The following SERPINA11 variants were observed in gnomAD, a reference collection of about 807,000 sequenced individuals.
The protein encoded by SERPINA11 is serpin family A member 11, also known as serpin A11.
In SERPINA11, 28 loss-of-function variants were observed where a neutral mutation model predicts 29.4. The observed-to-expected ratio is 0.95, with a 90% CI of 0.70 to 1.30. SERPINA11 has a LOEUF of 1.30. SERPINA11 is among the 50% of genes most tolerant of loss of function. The probability of loss-of-function intolerance (pLI) is 0.00; values close to 1 mark genes in which losing one functional copy is unlikely to be tolerated. For missense variants in SERPINA11, 530 were observed against 507.3 expected, an observed-to-expected ratio of 1.04 and a Z score of -0.43; for synonymous variants, 253 against 206.6, an observed-to-expected ratio of 1.22 and a Z score of -1.92.
chr14:94,444,209 G>C (rs1436660617), intron 3 of SERPINA11, among the ~76,000 whole-genome samples: 1 of 152,154 alleles, frequency 6.6e-6, no homozygotes, highest in Admixed American at 6.6e-5. Flanking sequence ...GTCTGACAGA[G>C]AGCCCAAAAC....
At chr14:94,450,098 T>C (rs1898559918) in intron 1 of SERPINA11, among the ~76,000 whole-genome samples, 1 of 152,120 alleles carries the variant, frequency 6.6e-6, no homozygotes, top group Non-Finnish European at 1.5e-5. Context: ...AGAGCAACTC[T>C]GTCTCCATGT....
chr14:94,442,919 A>G (rs1253438918), intron 4 of SERPINA11, 110 bp from the exon 5 acceptor site: 3 of 1,272,998 alleles, frequency 2.4e-6, no homozygotes, highest in African/African-American at 3.0e-5. Flanking sequence ...GGAGGTAGAG[A>G]AGGAAAAGCC....
At chr14:94,445,719 TC>T in intron 3 of SERPINA11, among the ~76,000 whole-genome samples, 2 of 151,002 alleles carry the variant, frequency 1.3e-5, no homozygotes, top group African/African-American at 2.4e-5. Flanking sequence ...TAGGCATGCA[TC>T]AACATGTCCA....
Position 94,442,849 on chromosome 14 carries a change from G to A in SERPINA11, c.1066-40C>T, listed in dbSNP as rs199836429. 10 of 1,505,080 alleles carry A rather than the reference G, an allele frequency of 6.6e-6. No individual in the cohort carries two copies. The Admixed American group carries it at 1.4e-4, about 20-fold the overall frequency. The allele number at this position is 1,505,080 out of a possible 1,614,324, so 93.2% of individuals were successfully genotyped here. On this transcript the variant is annotated intron_variant, in intron 4 of 4. Transcript: ENST00000334708. ...GAGATGAAGACAGCATCAGTTTGGG[G>A]GCCTTCAAGGGGAAGACACTGTATT...
At chr14:94,450,263 G>C (rs1404242985) in intron 1 of SERPINA11, among the ~76,000 whole-genome samples, 1 of 152,154 alleles carries the variant, frequency 6.6e-6, no homozygotes, top group African/African-American at 2.4e-5. Context: ...TAGACACCTA[G>C]TATCTCCAGA....
At chr14:94,447,362 C>A (rs1336447490) in intron 2 of SERPINA11, among the ~76,000 whole-genome samples, 1 of 152,122 alleles carries the variant, frequency 6.6e-6, no homozygotes, top group African/African-American at 2.4e-5. Context: ...CCTACATACC[C>A]ACACCCAATC....
chr14:94,447,261 T>C (rs1037055595), intron 2 of SERPINA11, among the ~76,000 whole-genome samples: 1 of 152,210 alleles, frequency 6.6e-6, no homozygotes, highest in Non-Finnish European at 1.5e-5. Context: ...ACACATGTAG[T>C]ATCTTCTCTC....
At chr14:94,452,279 T>A (rs996654952) in intron 1 of SERPINA11, among the ~76,000 whole-genome samples, 5 of 152,188 alleles carry the variant, frequency 3.3e-5, no homozygotes, top group African/African-American at 1.2e-4. Flanking sequence ...AGGGAATGAC[T>A]GATGCAGGGT....
chr14:94,448,294 A>G lies in SERPINA11; in HGVS notation c.481T>C (p.Tyr161His). 6.2e-7 allele frequency: 1 copy of G among 1,614,226 alleles called. No individual in the cohort carries two copies. Among genetic ancestry groups the G allele is most frequent in the African/African-American group, 1.3e-5 (1 of 75,054 alleles). Residue 161 changes from tyrosine to histidine, a missense_variant, in exon 2 of 5, where the codon TAT (tyrosine) becomes CAT (histidine). By Grantham distance (83) the Tyr-to-His change is moderately conservative. Transcript: ENST00000334708. ...QHYLDSIKELYGAFAFSANFT... is the reference protein window; with the variant it reads ...QHYLDSIKELHGAFAFSANFT... ...TTGGCAGAAAAAGCAAAAGCTCCAT[A>G]AAGCTCCTTGATGCTGTCCAAATAG...
chr14:94,446,473 A>G lies in SERPINA11; in HGVS notation c.775T>C (p.Leu259=), dbSNP rs1898442112. Residue 259 remains leucine, a synonymous_variant, in exon 3 of 5, where the codon TTG becomes CTG. Transcript: ENST00000334708. The part of the protein sequence containing the change: ...EMHRFLYDQD[L]ACTVLQIEYR... ...TCTATCTGGAGGACGGTGCAAGCCA[A>G]ATCCTGGTCATAGAGGAATCTGTGC... is the stretch of plus-strand genomic sequence containing the variant. 6.2e-7 allele frequency: 1 copy of G among 1,614,162 alleles called. No individual in the cohort carries two copies. Among genetic ancestry groups the G allele is most frequent in the Non-Finnish European group, 8.5e-7 (1 of 1,180,016 alleles).
chr14:94,452,374 T>C (rs1259672061), intron 1 of SERPINA11, among the ~76,000 whole-genome samples: 1 of 152,114 alleles, frequency 6.6e-6, no homozygotes, highest in African/African-American at 2.4e-5. Context: ...GGACAGCTTC[T>C]AGTAAATTTG....
Position 94,444,415 on chromosome 14 carries a change from T to C in SERPINA11, c.918-1190A>G, listed in dbSNP as rs149504147. 1.4e-3 allele frequency among the ~76,000 whole-genome samples: 210 copies of C among 152,188 alleles called. 1 individual carries two copies. Among genetic ancestry groups the C allele is most frequent in the Non-Finnish European group, 2.2e-3 (150 of 67,990 alleles). The stretch of plus-strand genomic sequence containing the variant: ...TCTCTGGCACAAGGAATATCTGAGA[T>C]TTAGAGGAGTAACTTGGGTCAGTTT... On this transcript the variant is annotated intron_variant, in intron 3 of 4. Coordinates refer to ENST00000334708, the MANE Select transcript of SERPINA11 (RefSeq NM_001080451.2).
intron 1 of SERPINA11, among the ~76,000 whole-genome samples, chr14:94,450,354 T>C (rs556961476): frequency 2.2e-4 from 33 of 152,248 alleles, no homozygotes; most frequent in Admixed American, 1.2e-3. Flanking sequence ...TAATCCAATA[T>C]GACTGATGTC....
At chr14:94,446,072 T>A (rs778624932) in intron 3 of SERPINA11, among the ~76,000 whole-genome samples, 17 of 152,176 alleles carry the variant, frequency 1.1e-4, no homozygotes, top group Non-Finnish European at 2.2e-4. Flanking sequence ...ATGCTCCACG[T>A]ACCAGTCTAA....
At position 94,448,602 on chromosome 14, in the gene SERPINA11, G is replaced by A. The variant is rs1393693291; in HGVS notation, c.173C>T (p.Ala58Val). 2.0e-5 allele frequency: 32 copies of A among 1,613,556 alleles called. No individual in the cohort carries two copies. The highest frequency in any genetic ancestry group is 2.3e-5 in the Non-Finnish European group (27 of 1,179,672). ...HRITPTITNF[A>V]LRLYKELAAD... ...TGCCAGCTCTTTATACAAACGCAAAGCAAAATTGGTAATGGTGGGTGTGAT... is the reference window on the plus strand; with the variant it reads ...TGCCAGCTCTTTATACAAACGCAAAACAAAATTGGTAATGGTGGGTGTGAT... The change falls in exon 2 of 5, where the codon GCT becomes GTT. Residue 58 changes from alanine to valine, a missense_variant. Ala to Val is a moderately conservative substitution (Grantham distance 64). Transcript: ENST00000334708.
rs750998875 is a variant in SERPINA11, at chr14:94,448,368, T to C, written c.407A>G (p.Lys136Arg). 6.8e-6 allele frequency: 11 copies of C among 1,614,152 alleles called. No individual in the cohort carries two copies. Among genetic ancestry groups the C allele is most frequent in the Non-Finnish European group, 8.5e-6 (10 of 1,180,038 alleles). The change falls in exon 2 of 5, where the codon AAA becomes AGA. Residue 136 changes from lysine to arginine, a missense_variant. Coordinates refer to ENST00000334708, the MANE Select transcript of SERPINA11 (RefSeq NM_001080451.2). ...GTCTAGGAACAGGGAGTTTCCTACT[T>C]TTAGTTCGAGTTTGGGGCTGGGCAG... ...LALPSPKLEL[K>R]VGNSLFLDKR... is the part of the protein sequence containing the mutation.
At chr14:94,446,199 T>C (rs1225353589) in intron 3 of SERPINA11, 132 bp downstream of exon 3, 4 of 887,668 alleles carry the variant, frequency 4.5e-6, no homozygotes, top group Non-Finnish European at 7.1e-6. Flanking sequence ...ATTGCCAAGA[T>C]CACACAGTTA....
chr14:94,449,406 A>ATTCT (rs869124586), intron 1 of SERPINA11, among the ~76,000 whole-genome samples: 1,199 of 40,008 alleles, frequency 0.03, 15 homozygotes, highest in Admixed American at 0.042. Context: ...CTTTCTTTCT[A>ATTCT]TTCTTTCTTT....
chr14:94,447,209 A>G (rs1293480611), intron 2 of SERPINA11, among the ~76,000 whole-genome samples: 1 of 152,252 alleles, frequency 6.6e-6, no homozygotes, highest in Non-Finnish European at 1.5e-5. Context: ...GCCCATTAAG[A>G]TGTAGTTAGA....
Sources: gnomAD v4.1 joint callset for allele counts (sites outside exome capture counted in the v4.1 genomes callset) on GRCh38, gnomAD v4.1.1 for gene constraint, MANE v1.5 for transcripts, NCBI Gene and HGNC (gene_info 2026-07-23, HGNC 2026-07-21) for gene names.